ADCY5: variants seen among roughly 807,000 people sequenced by gnomAD.
The protein encoded by ADCY5 is adenylate cyclase 5.
A neutral mutation model predicts 119.7 loss-of-function variants in ADCY5; 30 were observed. The ratio of observed to expected loss-of-function variants is 0.25; its 90% confidence interval spans 0.19 to 0.34. The LOEUF is 0.34. Among genes scored for constraint, ADCY5 ranks in the 10% least tolerant of loss-of-function variants. The probability of loss-of-function intolerance (pLI) is 1.00; values close to 1 mark genes in which losing one functional copy is unlikely to be tolerated. For synonymous variants in ADCY5, 753 were observed against 762.2 expected, an observed-to-expected ratio of 0.99 and a Z score of 0.20; for missense variants, 1,324 against 1,775.2, an observed-to-expected ratio of 0.75 and a Z score of 4.57.
intron 5 of ADCY5, 138 bp from the exon 6 acceptor site, chr3:123,328,940 AGAAC>A (rs1941627211): frequency 6.3e-6 from 6 of 952,256 alleles, no homozygotes; most frequent in Middle Eastern, 6.2e-4. Flanking sequence ...CTAGAGTCCA[AGAAC>A]GTTCAGCCTG....
chr3:123,433,570 G>A (rs2107647979), intron 1 of ADCY5, among the ~76,000 whole-genome samples: 1 of 152,344 alleles, frequency 6.6e-6, no homozygotes, highest in South Asian at 2.1e-4. Flanking sequence ...CTGAAACACA[G>A]CTAAAGGATG....
chr3:123,439,352 G>A (rs1274891673), intron 1 of ADCY5, among the ~76,000 whole-genome samples: 1 of 151,686 alleles, frequency 6.6e-6, no homozygotes, highest in Non-Finnish European at 1.5e-5. Context: ...ATGAGCCACC[G>A]CACCCAGCCC....
intron 1 of ADCY5, among the ~76,000 whole-genome samples, chr3:123,384,096 T>G (rs976813161): frequency 6.6e-6 from 1 of 152,174 alleles, no homozygotes; most frequent in East Asian, 1.9e-4. Flanking sequence ...CCTTAGTCCC[T>G]GCAGTTGTGA....
chr3:123,369,835 A>G (rs1045229162), intron 1 of ADCY5, among the ~76,000 whole-genome samples: 1 of 152,196 alleles, frequency 6.6e-6, no homozygotes, highest in Non-Finnish European at 1.5e-5. Context: ...AAGAGCACTG[A>G]CATCCTGAGG....
intron 1 of ADCY5, among the ~76,000 whole-genome samples, chr3:123,369,917 C>T (rs1043838731): frequency 1.3e-5 from 2 of 152,208 alleles, no homozygotes; most frequent in African/African-American, 4.8e-5. Context: ...CCCTGGTCTC[C>T]ACTCTCTCCT....
chr3:123,327,259 AT>A lies in ADCY5; in HGVS notation c.1947+358del, dbSNP rs201067956. On this transcript the variant is annotated intron_variant, in intron 7 of 20. Coordinates refer to ENST00000462833, the MANE Select transcript of ADCY5 (RefSeq NM_183357.3). ...CGATCTATGGATCAGAGAGAGAGAG[AT>A]TAGGGCAAGTGTCCACCCCAGTAAA... Among the ~76,000 whole-genome samples the A allele has an allele frequency of 4.6e-3, 699 of 152,318 alleles. 4 individuals are homozygous for A. Among genetic ancestry groups the A allele is most frequent in the Non-Finnish European group, 8.8e-3 (601 of 68,032 alleles).
chr3:123,419,094 T>C (rs1411394632), intron 1 of ADCY5: 1 of 944,586 alleles, frequency 1.1e-6, no homozygotes, highest in Non-Finnish European at 1.3e-6. Flanking sequence ...TCTTTCTATA[T>C]GTCTATATAA....
chr3:123,403,380 C>CAAAAA (rs35626615), intron 1 of ADCY5, among the ~76,000 whole-genome samples: 1 of 68,502 alleles, frequency 1.5e-5, no homozygotes, highest in Non-Finnish European at 2.7e-5. Flanking sequence ...GACCCTGTCT[C>CAAAAA]AAAAAAAAAA....
chr3:123,355,339 T>A (rs1943002461), intron 1 of ADCY5, among the ~76,000 whole-genome samples: 2 of 152,198 alleles, frequency 1.3e-5, no homozygotes, highest in South Asian at 4.1e-4. Context: ...TTTTTAAAGG[T>A]ATAGTTGGCT....
chr3:123,347,535 T>C (rs1307045405), intron 3 of ADCY5, among the ~76,000 whole-genome samples: 2 of 152,106 alleles, frequency 1.3e-5, no homozygotes, highest in African/African-American at 4.8e-5. Context: ...CCTCCTCCTG[T>C]TTTTATTCTC....
intron 1 of ADCY5, among the ~76,000 whole-genome samples, chr3:123,375,936 AC>A (rs1943816618): frequency 7.2e-6 from 1 of 139,452 alleles, no homozygotes; most frequent in Admixed American, 7.5e-5. Flanking sequence ...CTGGGACTCC[AC>A]GCGAGCCTTT....
intron 1 of ADCY5, among the ~76,000 whole-genome samples, chr3:123,356,339 A>G (rs1367190551): frequency 6.6e-6 from 1 of 152,228 alleles, no homozygotes; most frequent in Non-Finnish European, 1.5e-5. Context: ...TTCAAAGGGC[A>G]CCATCAAGAA....
chr3:123,301,752 C>T (rs1358492057), intron 14 of ADCY5, among the ~76,000 whole-genome samples: 1 of 152,262 alleles, frequency 6.6e-6, no homozygotes, highest in Admixed American at 6.5e-5. Flanking sequence ...AAAATAGCCT[C>T]TGCTCCTCAT....
intron 1 of ADCY5, among the ~76,000 whole-genome samples, chr3:123,440,143 C>G (rs1028663260): frequency 6.6e-6 from 1 of 152,200 alleles, no homozygotes; most frequent in Admixed American, 6.5e-5. Context: ...CTTGTTCATT[C>G]AAACCCTCAC....
At chr3:123,401,671 G>A (rs1447323405) in intron 1 of ADCY5, among the ~76,000 whole-genome samples, 1 of 152,120 alleles carries the variant, frequency 6.6e-6, no homozygotes, top group Non-Finnish European at 1.5e-5. Flanking sequence ...GATCCCTCCT[G>A]AGTCCTAATC....
intron 1 of ADCY5, among the ~76,000 whole-genome samples, chr3:123,437,399 G>A (rs1455121559): frequency 7.9e-5 from 12 of 152,160 alleles, no homozygotes; most frequent in African/African-American, 2.7e-4. Context: ...CTGGAAGTCT[G>A]GCTGGTATGA....
chr3:123,357,851 C>T (rs988656704), intron 1 of ADCY5, among the ~76,000 whole-genome samples: 3 of 152,136 alleles, frequency 2.0e-5, no homozygotes, highest in Admixed American at 6.5e-5. Flanking sequence ...TGCTTACACA[C>T]AGAGGGAGTC....
chr3:123,392,882 T>A (rs1046498869), intron 1 of ADCY5, among the ~76,000 whole-genome samples: 2 of 152,014 alleles, frequency 1.3e-5, no homozygotes, highest in East Asian at 1.9e-4. Context: ...GAATACAGCA[T>A]CCACAGGAGG....
intron 1 of ADCY5, among the ~76,000 whole-genome samples, chr3:123,402,778 G>A (rs779174574): frequency 4.6e-5 from 7 of 151,292 alleles, no homozygotes; most frequent in African/African-American, 1.2e-4. Context: ...GCGTGAACCC[G>A]GGAGGCGGAG....
Sources: allele counts gnomAD v4.1 joint callset (sites outside exome capture counted in the v4.1 genomes callset), GRCh38; gene constraint gnomAD v4.1.1; transcripts MANE v1.5; gene names NCBI Gene and HGNC (gene_info 2026-07-23, HGNC 2026-07-21).